The following PPFIBP1 variants were observed in gnomAD, a reference collection of about 807,000 sequenced individuals.
PPFIBP1 encodes the protein liprin-beta-1.
Under a neutral mutation model 137.8 loss-of-function variants are expected in PPFIBP1, and 112 were observed. The observed-to-expected ratio is 0.81, with a 90% CI of 0.70 to 0.95. PPFIBP1 has a LOEUF of 0.95. PPFIBP1 is among the 40% of genes least tolerant of loss of function. The pLI is 0.00. For synonymous variants in PPFIBP1, 378 were observed against 417.3 expected (o/e 0.91, Z 1.15); for missense variants, 1,083 against 1,196.6 (o/e 0.91, Z 1.40).
rs2059914973 is a variant in PPFIBP1, at chr12:27,667,283, C to T, written c.1109C>T (p.Pro370Leu). The change falls in exon 13 of 30, where the codon CCC becomes CTC. Residue 370 changes from proline (P) to leucine (L), a missense_variant. Transcript: ENST00000228425. ...TCACCCACTCCAGTAATGGGATCTC[C>T]CAGTTGTGACCCATTTAACACAAGT... ...SPSPTPVMGS[P>L]SCDPFNTSVP... 3 of 1,610,448 alleles carry T rather than the reference C, an allele frequency of 1.9e-6. No homozygotes were observed. Among genetic ancestry groups the T allele is most frequent in the African/African-American group, 1.3e-5 (1 of 74,702 alleles).
chr12:27,564,924 CCTGTGACCG>C (rs1322054890), intron 1 of PPFIBP1, among the ~76,000 whole-genome samples: 1 of 152,170 alleles, frequency 6.6e-6, no homozygotes, highest in Non-Finnish European at 1.5e-5. Context: ...CCATGACTGC[CCTGTGACCG>C]CTGCTTCCAG....
At chr12:27,649,934 C>T (rs1384960924) in intron 6 of PPFIBP1, 76 bp from the exon 7 acceptor site, 17 of 1,357,504 alleles carry the variant, frequency 1.3e-5, no homozygotes, top group South Asian at 4.1e-5. Context: ...CTGCTTTGTG[C>T]GATCATAAAT....
chr12:27,616,263 C>T (rs962874948), intron 2 of PPFIBP1, among the ~76,000 whole-genome samples: 2 of 150,412 alleles, frequency 1.3e-5, no homozygotes, highest in African/African-American at 4.9e-5. Flanking sequence ...TCAGTTTTAT[C>T]AGTATATTTT....
chr12:27,656,982 T>G, intron 9 of PPFIBP1: 1 of 325,666 alleles, frequency 3.1e-6, no homozygotes, highest in Admixed American at 4.9e-5. Flanking sequence ...GACTGTAAAT[T>G]CTCATCACAA....
chr12:27,670,054 G>A (rs1177008350), intron 13 of PPFIBP1, among the ~76,000 whole-genome samples: 2 of 152,148 alleles, frequency 1.3e-5, no homozygotes, highest in African/African-American at 4.8e-5. Flanking sequence ...TTATCAGGCA[G>A]CTTTCAGAGG....
At chr12:27,583,418 T>G (rs2051348642) in intron 2 of PPFIBP1, among the ~76,000 whole-genome samples, 1 of 152,232 alleles carries the variant, frequency 6.6e-6, no homozygotes, top group Non-Finnish European at 1.5e-5. Context: ...TTCTAAGGCA[T>G]TTTCAAAAGT....
In PPFIBP1 at chr12:27,692,911, G is replaced by C; in HGVS notation, c.*29G>C. The C allele has an allele frequency of 6.2e-7, 1 of 1,612,838 alleles. No homozygotes were observed. Among genetic ancestry groups the C allele is most frequent in the Non-Finnish European group, 8.5e-7 (1 of 1,179,536 alleles). The stretch of plus-strand genomic sequence containing the variant: ...TAGCACCTGGATGAACATTAGGAGT[G>C]CTTAGTCTTTTTTCTACTTGCTTTT... On this transcript the variant is annotated 3_prime_UTR_variant, in exon 30 of 30. Transcript: ENST00000228425.
chr12:27,656,771 A>G (rs377401124), intron 9 of PPFIBP1, 41 bp downstream of exon 9: 1 of 1,317,168 alleles, frequency 7.6e-7, no homozygotes, highest in South Asian at 1.2e-5. Flanking sequence ...CATTTTGTTA[A>G]AGTCCTCCAA....
At chr12:27,672,078 A>C (rs1160348072) in intron 14 of PPFIBP1, among the ~76,000 whole-genome samples, 2 of 150,246 alleles carry the variant, frequency 1.3e-5, no homozygotes. Context: ...CTCAAAAAGA[A>C]AAAAAAAAAA....
chr12:27,535,286 T>G (rs1193490634), intron 1 of PPFIBP1, among the ~76,000 whole-genome samples: 1 of 152,212 alleles, frequency 6.6e-6, no homozygotes, highest in Non-Finnish European at 1.5e-5. Context: ...GAAGAAAAAT[T>G]AAAAATTAAA....
At chr12:27,600,285 A>T (rs914324976) in intron 2 of PPFIBP1, among the ~76,000 whole-genome samples, 2 of 152,022 alleles carry the variant, frequency 1.3e-5, no homozygotes, top group Non-Finnish European at 2.9e-5. Context: ...AAATACAAGA[A>T]ATTAGCCGGG....
At chr12:27,596,728 G>A (rs978949525) in intron 2 of PPFIBP1, among the ~76,000 whole-genome samples, 3 of 151,544 alleles carry the variant, frequency 2.0e-5, no homozygotes, top group Admixed American at 6.8e-5. Flanking sequence ...GCCAGATCTT[G>A]TACTAAGCAC....
At chr12:27,592,517 A>G in intron 2 of PPFIBP1, 3 of 1,214,844 alleles carry the variant, frequency 2.5e-6, no homozygotes, top group East Asian at 2.4e-5. Flanking sequence ...CCTCTGTGAA[A>G]GAATCGTTTC....
At chr12:27,630,968 G>A (rs1170946521) in intron 2 of PPFIBP1, among the ~76,000 whole-genome samples, 5 of 152,030 alleles carry the variant, frequency 3.3e-5, no homozygotes, top group Non-Finnish European at 7.4e-5. Flanking sequence ...TAAAATCGTG[G>A]CTGAGTCTGC....
chr12:27,670,788 A>ATAATAATAATAATAATAATAATAAT (rs57738136), intron 13 of PPFIBP1, among the ~76,000 whole-genome samples: 2 of 134,276 alleles, frequency 1.5e-5, no homozygotes, highest in South Asian at 2.6e-4. Context: ...CAAAAAAAAA[A>ATAATAATAATAATAATAATAATAAT]AAAAAAAATA....
At chr12:27,663,026 T>A (rs2139988533) in intron 11 of PPFIBP1, among the ~76,000 whole-genome samples, 1 of 152,300 alleles carries the variant, frequency 6.6e-6, no homozygotes, top group East Asian at 1.9e-4. Context: ...TAGATGAGAC[T>A]GCATGCATAA....
chr12:27,618,905 A>T (rs2056057083), intron 2 of PPFIBP1, among the ~76,000 whole-genome samples: 1 of 152,246 alleles, frequency 6.6e-6, no homozygotes, highest in African/African-American at 2.4e-5. Context: ...TAGAGACAAC[A>T]TTCCAAGGAC....
At chr12:27,544,023 A>T (rs1945959521) in intron 1 of PPFIBP1, among the ~76,000 whole-genome samples, 1 of 151,672 alleles carries the variant, frequency 6.6e-6, no homozygotes, top group Non-Finnish European at 1.5e-5. Flanking sequence ...GGGATTACAG[A>T]TGCACACCAC....
In PPFIBP1 at chr12:27,669,928, G is replaced by A. The variant is rs185253811; in HGVS notation, c.1147-1503G>A. Among the ~76,000 whole-genome samples, 119 of 152,258 alleles carry A rather than the reference G, an allele frequency of 7.8e-4. 1 individual carries two copies. The highest frequency in any genetic ancestry group is 3.4e-3 in the Middle Eastern group (1 of 294). On this transcript the variant is annotated intron_variant, in intron 13 of 29. Coordinates refer to ENST00000228425, the MANE Select transcript of PPFIBP1 (RefSeq NM_003622.4). The stretch of plus-strand genomic sequence containing the variant: ...TTTTTGAGATGGTTGGAGCTCAAGG[G>A]TTGGTGGACTTTCTGAGGCAAGTGA...
Sources: gnomAD v4.1 joint callset for allele counts (sites outside exome capture counted in the v4.1 genomes callset) on GRCh38, gnomAD v4.1.1 for gene constraint, MANE v1.5 for transcripts, NCBI Gene and HGNC (gene_info 2026-07-23, HGNC 2026-07-21) for gene names.